The following DOCK4 variants were observed in gnomAD, a reference collection of about 807,000 sequenced individuals.
The protein encoded by DOCK4 is dedicator of cytokinesis protein 4.
Under a neutral mutation model 268.1 loss-of-function variants are expected in DOCK4, and 97 were observed. The observed-to-expected ratio is 0.36, with a 90% confidence interval of 0.31 to 0.43. The LOEUF (loss-of-function observed/expected upper bound fraction) is 0.43, where lower values mean the gene tolerates loss of function less well. Among genes scored for constraint, DOCK4 ranks in the 20% least tolerant of loss-of-function variants. The pLI is 1.00. For synonymous variants in DOCK4, 954 were observed against 887.2 expected (o/e 1.08, Z -1.34); for missense variants, 2,145 against 2,455.7 (o/e 0.87, Z 2.67).
At position 111,731,765 on chromosome 7, in the gene DOCK4, TA is replaced by T. The variant is rs1279521649; in HGVS notation, c.5481+460del. On this transcript the variant is annotated intron_variant, in intron 52 of 52. Transcript: ENST00000428084. Reference sequence around the variant, plus strand: ...GGTATAAAATATTAACAGAGAATGTTAGGTTTGGCTTTGACAAAATGGGTTT... The same window carrying T: ...GGTATAAAATATTAACAGAGAATGTTGGTTTGGCTTTGACAAAATGGGTTT... Among the ~76,000 whole-genome samples the T allele has an allele frequency of 2.0e-5, 3 of 152,282 alleles. No individual in the cohort carries two copies. The East Asian group carries it at 5.8e-4, about 29-fold the overall frequency.
At chr7:111,882,337 T>C (rs1184751855) in intron 16 of DOCK4, among the ~76,000 whole-genome samples, 1 of 152,198 alleles carries the variant, frequency 6.6e-6, no homozygotes, top group African/African-American at 2.4e-5. Context: ...ACCTGGGTAA[T>C]GAGAATATGG....
At chr7:111,839,796 T>C (rs748199452) in intron 25 of DOCK4, among the ~76,000 whole-genome samples, 2 of 152,214 alleles carry the variant, frequency 1.3e-5, no homozygotes, top group Non-Finnish European at 2.9e-5. Context: ...TTTTTTGCTC[T>C]ATTTCTTAAA....
chr7:111,739,093 AT>A, intron 49 of DOCK4, 40 bp downstream of exon 49: 1 of 1,554,266 alleles, frequency 6.4e-7, no homozygotes. Context: ...CAATTCCAGA[AT>A]TGTCCTTGTT....
At chr7:111,790,243 T>C (rs1799438768) in intron 31 of DOCK4, among the ~76,000 whole-genome samples, 1 of 152,146 alleles carries the variant, frequency 6.6e-6, no homozygotes, top group South Asian at 2.1e-4. Context: ...TGAAAAGGAA[T>C]CAAATGGTTT....
At chr7:111,903,194 T>C (rs1273090183) in intron 13 of DOCK4, among the ~76,000 whole-genome samples, 1 of 152,196 alleles carries the variant, frequency 6.6e-6, no homozygotes, top group African/African-American at 2.4e-5. Flanking sequence ...ATCATCTTCC[T>C]CCATAAAGAC....
intron 10 of DOCK4, among the ~76,000 whole-genome samples, chr7:111,943,993 G>A (rs926272598): frequency 6.6e-6 from 1 of 152,224 alleles, no homozygotes; most frequent in Non-Finnish European, 1.5e-5. Context: ...TAGTGAAGAA[G>A]TGGGAATGAA....
chr7:112,077,998 T>C (rs1385383207), intron 1 of DOCK4, among the ~76,000 whole-genome samples: 1 of 152,108 alleles, frequency 6.6e-6, no homozygotes. Context: ...TAAAATTCTA[T>C]TATATTTATT....
At chr7:111,974,572 A>T (rs918327964) in intron 8 of DOCK4, among the ~76,000 whole-genome samples, 1 of 106,150 alleles carries the variant, frequency 9.4e-6, no homozygotes, top group Non-Finnish European at 2.0e-5. Context: ...AGAGAGGAGG[A>T]GGAAGGAAAA....
At chr7:112,070,043 T>C (rs533625310) in intron 1 of DOCK4, among the ~76,000 whole-genome samples, 3 of 152,082 alleles carry the variant, frequency 2.0e-5, no homozygotes, top group Non-Finnish European at 2.9e-5. Context: ...ATTGAAGGAT[T>C]TGGAGCAGTC....
chr7:112,030,173 A>C (rs1361089111), intron 1 of DOCK4, among the ~76,000 whole-genome samples: 1 of 152,230 alleles, frequency 6.6e-6, no homozygotes, highest in Non-Finnish European at 1.5e-5. Context: ...TTTTAAGCCT[A>C]AACTAGCATT....
intron 1 of DOCK4, among the ~76,000 whole-genome samples, chr7:112,052,860 A>G (rs1805482914): frequency 6.6e-6 from 1 of 152,148 alleles, no homozygotes; most frequent in African/African-American, 2.4e-5. Flanking sequence ...ACTAAGGCCC[A>G]AGGAAAGTTG....
chr7:111,959,609 T>G (rs1036391658), intron 8 of DOCK4, among the ~76,000 whole-genome samples: 2 of 152,230 alleles, frequency 1.3e-5, no homozygotes, highest in African/African-American at 4.8e-5. Context: ...CATTTTTTAC[T>G]AGTCTGGGCC....
chr7:112,175,997 T>C (rs1818476715), intron 1 of DOCK4, among the ~76,000 whole-genome samples: 2 of 152,212 alleles, frequency 1.3e-5, no homozygotes, highest in Admixed American at 1.3e-4. Flanking sequence ...ATTAAGTCCT[T>C]TCTCAATTTT....
chr7:111,783,510 C>A (rs181838949), intron 34 of DOCK4, among the ~76,000 whole-genome samples: 1 of 152,146 alleles, frequency 6.6e-6, no homozygotes, highest in African/African-American at 2.4e-5. Flanking sequence ...ATTGTTTTCA[C>A]CCTAAAATGG....
intron 36 of DOCK4, among the ~76,000 whole-genome samples, chr7:111,771,346 A>G (rs1259063886): frequency 6.6e-6 from 1 of 152,222 alleles, no homozygotes; most frequent in Non-Finnish European, 1.5e-5. Flanking sequence ...TCCAGGAATG[A>G]GCAAGATGCA....
At chr7:112,198,691 G>T (rs1296675508) in intron 1 of DOCK4, among the ~76,000 whole-genome samples, 1 of 152,040 alleles carries the variant, frequency 6.6e-6, no homozygotes, top group Non-Finnish European at 1.5e-5. Context: ...TTTTAAAAAA[G>T]AACTTACTGA....
At chr7:111,763,500 C>T (rs1218440045) in intron 39 of DOCK4, among the ~76,000 whole-genome samples, 1 of 152,210 alleles carries the variant, frequency 6.6e-6, no homozygotes, top group African/African-American at 2.4e-5. Flanking sequence ...AAAATTTATT[C>T]TATTTGCTAA....
intron 30 of DOCK4, chr7:111,807,930 G>T (rs758195911): frequency 6.6e-6 from 1 of 151,780 alleles, no homozygotes; most frequent in Non-Finnish European, 1.5e-5. Context: ...AATGATCCTG[G>T]TCAAAAATCA....
chr7:111,726,834 A>C lies in DOCK4; in HGVS notation c.*1440T>G, dbSNP rs1794681063. ...AACCAGTTATATACAAAAATACTTG[A>C]ACATTTATTATAGAAAACCTCTATA... On this transcript the variant is annotated 3_prime_UTR_variant, in exon 53 of 53. Transcript: ENST00000428084. The C allele has an allele frequency of 6.6e-6, 1 of 152,600 alleles. No individual in the cohort carries two copies. Among genetic ancestry groups the C allele is most frequent in the African/African-American group, 2.4e-5 (1 of 41,458 alleles). 9.5% of individuals were successfully genotyped at this position (152,600 alleles called of 1,614,324 possible). A position where few individuals can be genotyped will look rare whatever the true frequency, so the allele number is the denominator to read the frequency against.
Sources: gnomAD v4.1 joint callset for allele counts (sites outside exome capture counted in the v4.1 genomes callset) on GRCh38, gnomAD v4.1.1 for gene constraint, MANE v1.5 for transcripts, NCBI Gene and HGNC (gene_info 2026-07-23, HGNC 2026-07-21) for gene names.